RANBP2: variants seen among roughly 807,000 people sequenced by gnomAD.
RANBP2 encodes the protein RAN binding protein 2, also known as E3 SUMO-protein ligase RanBP2.
A neutral mutation model predicts 303.6 loss-of-function variants in RANBP2; 57 were observed. The observed-to-expected ratio is 0.19, with a 90% CI of 0.15 to 0.23. The LOEUF is 0.23. Ranked by LOEUF, RANBP2 falls within the 10% of genes least tolerant of loss-of-function variation. The probability of loss-of-function intolerance (pLI) is 1.00; values close to 1 mark genes in which losing one functional copy is unlikely to be tolerated. For synonymous variants in RANBP2, 1,167 were observed against 1,301.5 expected (o/e 0.90, Z 2.23); for missense variants, 3,138 against 3,780.8 (o/e 0.83, Z 4.46).
chr2:109,244,579 G>C, the RANBP2 span, among the ~76,000 whole-genome samples: 1 of 152,188 alleles, frequency 6.6e-6, no homozygotes, highest in African/African-American at 2.4e-5. Flanking sequence ...CCTAATAGTT[G>C]CTATAGGAAT....
the RANBP2 span, among the ~76,000 whole-genome samples, chr2:109,414,833 A>G: frequency 6.6e-5 from 10 of 152,158 alleles, no homozygotes; most frequent in African/African-American, 2.2e-4. Flanking sequence ...TCCTCCCTCA[A>G]CGTCCTTCAG....
chr2:109,174,042 C>A, the RANBP2 span, among the ~76,000 whole-genome samples: 4 of 152,184 alleles, frequency 2.6e-5, no homozygotes, highest in African/African-American at 4.8e-5. Flanking sequence ...CACAGCAGTG[C>A]GGTTTGGTGG....
At chr2:108,997,255 C>A in the RANBP2 span, among the ~76,000 whole-genome samples, 1 of 151,312 alleles carries the variant, frequency 6.6e-6, no homozygotes, top group Non-Finnish European at 1.5e-5. Context: ...ACCTGGCTAA[C>A]ACGGTGAAAC....
At chr2:109,095,637 T>G in the RANBP2 span, among the ~76,000 whole-genome samples, 1 of 152,160 alleles carries the variant, frequency 6.6e-6, no homozygotes, top group South Asian at 2.1e-4. Context: ...CACACTAACA[T>G]AGGGGGCCAT....
chr2:109,184,790 A>G, the RANBP2 span, among the ~76,000 whole-genome samples: 501 of 152,342 alleles, frequency 3.3e-3, 3 homozygotes, highest in African/African-American at 0.011. Flanking sequence ...GAGTTGTGCC[A>G]CATACAAGAA....
At chr2:109,421,919 T>C in the RANBP2 span, among the ~76,000 whole-genome samples, 4 of 152,200 alleles carry the variant, frequency 2.6e-5, no homozygotes, top group Admixed American at 2.6e-4. Flanking sequence ...TACAGCAGTA[T>C]GCATGATGCA....
At chr2:109,193,442 C>T in the RANBP2 span, among the ~76,000 whole-genome samples, 2,616 of 152,262 alleles carry the variant, frequency 0.017, 92 homozygotes, top group African/African-American at 0.06. Flanking sequence ...TTACTGTCAC[C>T]CCAGCTCTGG....
At chr2:109,026,024 G>A in the RANBP2 span, among the ~76,000 whole-genome samples, 1 of 152,122 alleles carries the variant, frequency 6.6e-6, no homozygotes, top group African/African-American at 2.4e-5. Context: ...GAGCAGAAAC[G>A]CTTGCAGTTC....
At chr2:109,634,119 C>CAAAAAAAAAAAA in the RANBP2 span, among the ~76,000 whole-genome samples, 4 of 56,096 alleles carry the variant, frequency 7.1e-5, no homozygotes, top group Non-Finnish European at 1.1e-4. Flanking sequence ...GACTCTGTCT[C>CAAAAAAAAAAAA]AAAAAAAAAA....
At chr2:109,090,334 A>ACCC in the RANBP2 span, among the ~76,000 whole-genome samples, 1 of 142,106 alleles carries the variant, frequency 7.0e-6, no homozygotes, top group African/African-American at 2.6e-5. Context: ...ACACACACAC[A>ACCC]CACACACACA....
At chr2:109,708,699 G>C in the RANBP2 span, among the ~76,000 whole-genome samples, 1 of 152,082 alleles carries the variant, frequency 6.6e-6, no homozygotes, top group African/African-American at 2.4e-5. Flanking sequence ...AAACAAGACT[G>C]GGCATGGTGG....
the RANBP2 span, among the ~76,000 whole-genome samples, chr2:109,125,112 G>C: frequency 6.6e-6 from 1 of 152,218 alleles, no homozygotes; most frequent in Non-Finnish European, 1.5e-5. Context: ...GGGTTGGCCT[G>C]TTGCCAAGGC....
the RANBP2 span, among the ~76,000 whole-genome samples, chr2:109,490,387 A>C: frequency 6.6e-6 from 1 of 152,120 alleles, no homozygotes; most frequent in African/African-American, 2.4e-5. Context: ...CCTGGCCCTC[A>C]CTGGTTCACC....
At chr2:109,698,946 C>T in the RANBP2 span, among the ~76,000 whole-genome samples, 1 of 152,268 alleles carries the variant, frequency 6.6e-6, no homozygotes, top group Middle Eastern at 3.4e-3. Context: ...GAGCATTGTA[C>T]TTTGTTTGGC....
At chr2:109,311,433 A>C in the RANBP2 span, among the ~76,000 whole-genome samples, 2 of 144,936 alleles carry the variant, frequency 1.4e-5, no homozygotes, top group Non-Finnish European at 3.0e-5. Context: ...AAACTGGCAC[A>C]AGACAGGGAT....
At chr2:109,561,576 T>C in the RANBP2 span, among the ~76,000 whole-genome samples, 1 of 152,178 alleles carries the variant, frequency 6.6e-6, no homozygotes, top group African/African-American at 2.4e-5. Flanking sequence ...CCCTAACTTC[T>C]CCCTAGCTCC....
the RANBP2 span, among the ~76,000 whole-genome samples, chr2:109,031,978 T>TC: frequency 7.5e-6 from 1 of 133,434 alleles, no homozygotes; most frequent in Non-Finnish European, 1.5e-5. Context: ...CTGCCCTCCC[T>TC]CCCATTTCCT....
At chr2:108,793,783 T>C in the RANBP2 span, among the ~76,000 whole-genome samples, 1 of 151,916 alleles carries the variant, frequency 6.6e-6, no homozygotes, top group Non-Finnish European at 1.5e-5. Context: ...TTTGTATTTT[T>C]AGTAGAGACG....
At chr2:109,691,376 C>G in the RANBP2 span, among the ~76,000 whole-genome samples, 2 of 152,136 alleles carry the variant, frequency 1.3e-5, no homozygotes, top group African/African-American at 4.8e-5. Flanking sequence ...TCAATCAGTG[C>G]TGCCAGGCAT....
Sources: gnomAD v4.1 joint callset for allele counts (sites outside exome capture counted in the v4.1 genomes callset) on GRCh38, gnomAD v4.1.1 for gene constraint, MANE v1.5 for transcripts, NCBI Gene and HGNC (gene_info 2026-07-23, HGNC 2026-07-21) for gene names.